TEKT3: variants seen among roughly 807,000 people sequenced by gnomAD.
TEKT3 encodes tektin 3.
Under a neutral mutation model 49.8 loss-of-function variants are expected in TEKT3, and 49 were observed. The observed-to-expected ratio is 0.98, with a 90% confidence interval of 0.78 to 1.25. The LOEUF (loss-of-function observed/expected upper bound fraction) is 1.25, where lower values mean the gene tolerates loss of function less well. TEKT3 is among the 50% of genes most tolerant of loss of function. TEKT3 has a pLI of 0.00. For missense variants in TEKT3, 595 were observed against 629.5 expected (o/e 0.95, Z 0.59); for synonymous variants, 225 against 237.2 (o/e 0.95, Z 0.47).
chr17:15,316,626 CA>C (rs1368892150), intron 5 of TEKT3, among the ~76,000 whole-genome samples: 1 of 152,152 alleles, frequency 6.6e-6, no homozygotes, highest in Non-Finnish European at 1.5e-5. Context: ...ACATTTTTTA[CA>C]AAATTAAAAT....
chr17:15,331,512 G>C lies in TEKT3; in HGVS notation c.74C>G (p.Ala25Gly), dbSNP rs768848558. 22 of 1,614,020 alleles carry C rather than the reference G, an allele frequency of 1.4e-5. No homozygotes were observed. In the South Asian group the frequency reaches 2.0e-4, roughly 14 times the overall value. The change falls in exon 3 of 9, where the codon GCC becomes GGC. Residue 25 changes from alanine to glycine, a missense_variant. Coordinates refer to ENST00000395930, the MANE Select transcript of TEKT3 (RefSeq NM_031898.3). ...PRPTPTNFLP[A>G]ISTMASSYRD... is the part of the protein sequence containing the mutation. ...GTAGCTTGAGGCCATGGTACTGATG[G>C]CTGGTAGAAAGTTGGTTGGTGTTGG... is the stretch of plus-strand genomic sequence containing the variant.
At chr17:15,326,274 G>A (rs1413160372) in intron 4 of TEKT3, among the ~76,000 whole-genome samples, 2 of 152,202 alleles carry the variant, frequency 1.3e-5, no homozygotes, top group South Asian at 2.1e-4. Context: ...AAGAGGCGAA[G>A]AGGTGTGACC....
At chr17:15,328,555 C>T (rs1911583738) in intron 3 of TEKT3, among the ~76,000 whole-genome samples, 1 of 151,962 alleles carries the variant, frequency 6.6e-6, no homozygotes, top group Non-Finnish European at 1.5e-5. Context: ...ATTGTTTTCC[C>T]AATTATCAAA....
In TEKT3 at chr17:15,331,578, C is replaced by A. The variant is rs7226363; in HGVS notation, c.8G>T (p.Arg3Leu). 1 of 1,609,720 alleles carries A rather than the reference C, an allele frequency of 6.2e-7. No homozygotes were observed. Among genetic ancestry groups the A allele is most frequent in the Non-Finnish European group, 8.5e-7 (1 of 1,177,558 alleles). ...AGTTGTCGTTAAAGTACAACCTACACGTTCCATGATGCCAAAACACTATTT... is the reference window on the plus strand; with the variant it reads ...AGTTGTCGTTAAAGTACAACCTACAAGTTCCATGATGCCAAAACACTATTT... The part of the protein sequence containing the change: ME[R>L]VGCTLTTTYA... The change falls in exon 3 of 9, where the codon CGT becomes CTT. Residue 3 changes from arginine (R) to leucine (L), a missense_variant. Arg to Leu is a moderately radical substitution (Grantham distance 102, BLOSUM62 -2). Transcript: ENST00000395930.
rs554688022 is a variant in TEKT3 at position 15,318,678 on chromosome 17, C to G, written c.734+399G>C. Reference sequence around the variant, plus strand: ...TCAACCTCCTAAGTAGCTAGGACCACAGGCACCCGCCACCATGCCTGGCTA... The same window carrying G: ...TCAACCTCCTAAGTAGCTAGGACCAGAGGCACCCGCCACCATGCCTGGCTA... On this transcript the variant is annotated intron_variant, in intron 5 of 8. Transcript: ENST00000395930. Among the ~76,000 whole-genome samples, 28 of 152,266 alleles carry G rather than the reference C, an allele frequency of 1.8e-4. 1 individual carries two copies. The South Asian group carries it at 2.7e-3, about 15-fold the overall frequency.
chr17:15,317,364 G>A (rs1479633950), intron 5 of TEKT3, among the ~76,000 whole-genome samples: 3 of 152,140 alleles, frequency 2.0e-5, no homozygotes, highest in South Asian at 2.1e-4. Flanking sequence ...TCCAGACTAC[G>A]AAATAAAATG....
At chr17:15,326,031 A>G (rs1911475192) in intron 4 of TEKT3, among the ~76,000 whole-genome samples, 1 of 152,180 alleles carries the variant, frequency 6.6e-6, no homozygotes, top group East Asian at 1.9e-4. Flanking sequence ...TTTCCTGAGT[A>G]TATTATTTCA....
intron 4 of TEKT3, among the ~76,000 whole-genome samples, chr17:15,325,560 G>A (rs866849162): frequency 6.6e-6 from 1 of 152,218 alleles, no homozygotes; most frequent in Middle Eastern, 3.4e-3. Context: ...TCTGGGTGTG[G>A]GACCCAGCCA....
At chr17:15,327,400 C>T (rs2150747462) in intron 4 of TEKT3, among the ~76,000 whole-genome samples, 1 of 152,030 alleles carries the variant, frequency 6.6e-6, no homozygotes, top group Middle Eastern at 3.4e-3. Flanking sequence ...CCTGTAATCC[C>T]AGCTACTTGG....
rs376047963 is a variant in TEKT3, at chr17:15,330,971, C to A, written c.579+36G>T. On this transcript the variant is annotated intron_variant, in intron 3 of 8. Coordinates refer to ENST00000395930, the MANE Select transcript of TEKT3 (RefSeq NM_031898.3). Reference sequence around the variant, plus strand: ...AGTAACTCAACCAGTGGGTTATAATCATAAAAATTCAGTGTGTTCTATCAT... The same window carrying A: ...AGTAACTCAACCAGTGGGTTATAATAATAAAAATTCAGTGTGTTCTATCAT... The A allele has an allele frequency of 3.9e-6, 6 of 1,530,164 alleles. No individual in the cohort carries two copies. The African/African-American group carries it at 8.3e-5, about 21-fold the overall frequency. The allele number at this position is 1,530,164 out of a possible 1,614,324, so 94.8% of individuals were successfully genotyped here. A position where few individuals can be genotyped will look rare whatever the true frequency, so the allele number is the denominator to read the frequency against.
At chr17:15,328,124 T>C in intron 3 of TEKT3, 49 bp from the exon 4 acceptor site, 1 of 1,502,188 alleles carries the variant, frequency 6.7e-7, no homozygotes, top group South Asian at 1.1e-5. Flanking sequence ...TGACAATCCA[T>C]GACTAGCAGC....
At chr17:15,308,990 T>A (rs1399258281) in intron 7 of TEKT3, 172 bp from the exon 8 acceptor site, 4 of 736,836 alleles carry the variant, frequency 5.4e-6, no homozygotes, top group Non-Finnish European at 6.5e-6. Context: ...GGAACCCACG[T>A]GTCTCACTGG....
chr17:15,316,019 T>C (rs1910989894), intron 5 of TEKT3, among the ~76,000 whole-genome samples: 1 of 152,228 alleles, frequency 6.6e-6, no homozygotes, highest in South Asian at 2.1e-4. Context: ...TTTTTCTTCT[T>C]TGTAAAGTGT....
chr17:15,304,187 C>G lies in TEKT3; in HGVS notation c.1257-35G>C. The G allele has an allele frequency of 1.2e-6, 2 of 1,608,500 alleles. No homozygotes were observed. Among genetic ancestry groups the G allele is most frequent in the African/African-American group, 1.3e-5 (1 of 74,932 alleles). On this transcript the variant is annotated intron_variant, in intron 8 of 8. Coordinates refer to ENST00000395930, the MANE Select transcript of TEKT3 (RefSeq NM_031898.3). This position sits in a 1 kb window ranked among gnomAD's most constrained non-coding sequence, Gnocchi z 4.7. ...AAAGGAATCAGCATGGTTAGGTCAG[C>G]ATGTAGCTTACGCAACTCCAAGTAC...
At chr17:15,313,797 G>A (rs1463919579) in intron 6 of TEKT3, among the ~76,000 whole-genome samples, 7 of 152,098 alleles carry the variant, frequency 4.6e-5, no homozygotes, top group South Asian at 4.1e-4. Flanking sequence ...GTGAGCCACC[G>A]CACCCGGCCT....
intron 8 of TEKT3, among the ~76,000 whole-genome samples, chr17:15,305,103 T>C (rs1910489529): frequency 6.6e-6 from 1 of 152,104 alleles, no homozygotes; most frequent in East Asian, 1.9e-4. Context: ...GAGGACGTCT[T>C]GGGAGGTAGA....
At chr17:15,331,707 T>C (rs1911760341) in intron 2 of TEKT3, 93 bp from the exon 3 acceptor site, 1 of 925,604 alleles carries the variant, frequency 1.1e-6, no homozygotes, top group Middle Eastern at 2.8e-4. Context: ...TTAGTATCAG[T>C]TGCAGAGGCC....
In TEKT3 at chr17:15,335,843, A is replaced by G. The variant is rs185140598; in HGVS notation, c.-30+4185T>C. ...ACTTCAGGAATAAAACATACAATAT[A>G]TACTTGCACAACTTCACTACATGAG... On this transcript the variant is annotated intron_variant, in intron 2 of 8. Coordinates refer to ENST00000395930, the MANE Select transcript of TEKT3 (RefSeq NM_031898.3). Among the ~76,000 whole-genome samples, 8 of 152,310 alleles carry G rather than the reference A, an allele frequency of 5.3e-5. No individual in the cohort carries two copies. The East Asian group carries it at 1.5e-3, about 29-fold the overall frequency.
In TEKT3 at chr17:15,304,614, CAGCGCTTCAGT is replaced by C. The variant is rs1262306876; in HGVS notation, c.1257-473_1257-463del. ...TATCCAGGAAGCTAAGAAGGAAATT[CAGCGCTTCAGT>C]GGCCATAATAAGAAACTGGGTCCCA... On this transcript the variant is annotated intron_variant, in intron 8 of 8. Transcript: ENST00000395930. This position sits in a 1 kb window ranked among gnomAD's most constrained non-coding sequence, Gnocchi z 4.7. Among the ~76,000 whole-genome samples, 1 of 152,102 alleles carries C rather than the reference CAGCGCTTCAGT, an allele frequency of 6.6e-6. No homozygotes were observed. The highest frequency in any genetic ancestry group is 1.5e-5 in the Non-Finnish European group (1 of 68,028).
Sources: gnomAD v4.1 joint callset for allele counts (sites outside exome capture counted in the v4.1 genomes callset) on GRCh38, gnomAD v4.1.1 for gene constraint, Gnocchi (gnomAD v3.1) non-coding constraint, MANE v1.5 for transcripts, NCBI Gene and HGNC (gene_info 2026-07-23, HGNC 2026-07-21) for gene names.